WDFY2: variants seen among roughly 807,000 people sequenced by gnomAD.
WDFY2 encodes WD repeat and FYVE domain-containing protein 2.
Under a neutral mutation model 56.4 loss-of-function variants are expected in WDFY2, and 36 were observed. The observed-to-expected ratio is 0.64, with a 90% CI of 0.49 to 0.84. WDFY2 has a LOEUF of 0.84. WDFY2 is among the 40% of genes least tolerant of loss of function. The pLI, the probability that WDFY2 is intolerant of heterozygous loss-of-function variation, is 0.00. For missense variants in WDFY2, 444 were observed against 512.2 expected, an observed-to-expected ratio of 0.87 and a Z score of 1.29; for synonymous variants, 176 against 183.7, an observed-to-expected ratio of 0.96 and a Z score of 0.34.
chr13:51,719,107 G>T, intron 4 of WDFY2, 91 bp from the exon 5 acceptor site: 1 of 1,553,152 alleles, frequency 6.4e-7, no homozygotes, highest in Non-Finnish European at 8.8e-7. Flanking sequence ...TTCTGGGGTG[G>T]GGAGAAGAGA....
At position 51,755,468 on chromosome 13, in the gene WDFY2, T is replaced by G. The variant is rs1231025111; in HGVS notation, c.933+9T>G. ...AAATTGGTCTAAGACAGGTGAGTGA[T>G]ATGGATGCTTCATCAAAATGTAATT... On this transcript the variant is annotated intron_variant, in intron 9 of 11. Transcript: ENST00000298125. 4 of 1,609,924 alleles carry G rather than the reference T, an allele frequency of 2.5e-6. No individual in the cohort carries two copies. The highest frequency in any genetic ancestry group is 3.4e-6 in the Non-Finnish European group (4 of 1,176,230).
intron 3 of WDFY2, among the ~76,000 whole-genome samples, chr13:51,700,900 G>A (rs1219940257): frequency 6.6e-6 from 1 of 152,172 alleles, no homozygotes; most frequent in Non-Finnish European, 1.5e-5. Context: ...CCAGGAGGCG[G>A]AGGTTGCGGT....
At chr13:51,611,683 C>A (rs1954506247) in intron 1 of WDFY2, among the ~76,000 whole-genome samples, 1 of 152,150 alleles carries the variant, frequency 6.6e-6, no homozygotes, top group African/African-American at 2.4e-5. Flanking sequence ...ATCCTGATGA[C>A]TCCAAGTCTG....
At chr13:51,660,736 T>C in intron 2 of WDFY2, 73 bp downstream of exon 2, 1 of 1,340,644 alleles carries the variant, frequency 7.5e-7, no homozygotes, top group Non-Finnish European at 1.1e-6. Flanking sequence ...ATTTTCTTCT[T>C]AAGTAGAGAA....
intron 6 of WDFY2, among the ~76,000 whole-genome samples, chr13:51,734,407 A>G (rs559080464): frequency 1.3e-5 from 2 of 152,346 alleles, no homozygotes; most frequent in South Asian, 2.1e-4. Context: ...GTTGAGAAAA[A>G]TCTAAAAATA....
intron 2 of WDFY2, among the ~76,000 whole-genome samples, chr13:51,665,094 G>A (rs1955676918): frequency 6.6e-6 from 1 of 152,086 alleles, no homozygotes; most frequent in Non-Finnish European, 1.5e-5. Flanking sequence ...ATGGGGACAT[G>A]GTCACAAAGT....
chr13:51,623,136 G>A lies in WDFY2; in HGVS notation c.138-37460G>A, dbSNP rs377394309. 6.5e-4 allele frequency among the ~76,000 whole-genome samples: 99 copies of A among 152,140 alleles called. 2 individuals are homozygous for A. In the South Asian group the frequency reaches 0.02, roughly 30 times the overall value. On this transcript the variant is annotated intron_variant, in intron 1 of 11. Coordinates refer to ENST00000298125, the MANE Select transcript of WDFY2 (RefSeq NM_052950.4). The stretch of plus-strand genomic sequence containing the variant: ...GCCTCCCAAAGTGCTGGGATTACAG[G>A]CAAGAGCCACCGTGCATGGCCTTAA...
chr13:51,711,023 A>G (rs1408973271), intron 4 of WDFY2, among the ~76,000 whole-genome samples: 2 of 152,202 alleles, frequency 1.3e-5, no homozygotes, highest in African/African-American at 2.4e-5. Context: ...GCATCACGCT[A>G]CCTGACTTCA....
intron 3 of WDFY2, among the ~76,000 whole-genome samples, chr13:51,698,177 T>G (rs565456028): frequency 1.3e-5 from 2 of 152,220 alleles, no homozygotes; most frequent in Non-Finnish European, 2.9e-5. Flanking sequence ...CGTGCTTTGC[T>G]ATCTTTAAAC....
intron 1 of WDFY2, among the ~76,000 whole-genome samples, chr13:51,650,562 G>T (rs1442371318): frequency 6.6e-6 from 1 of 151,780 alleles, no homozygotes; most frequent in Non-Finnish European, 1.5e-5. Context: ...GTCATAAATA[G>T]CTCTTATTAT....
At chr13:51,758,150 TCAC>T (rs1448921589) in intron 10 of WDFY2, 39 bp from the exon 11 acceptor site, 1 of 1,485,862 alleles carries the variant, frequency 6.7e-7, no homozygotes, top group East Asian at 2.3e-5. Context: ...CATTCATATG[TCAC>T]CACCTTTTCC....
At chr13:51,720,008 C>T (rs1339249286) in intron 5 of WDFY2, among the ~76,000 whole-genome samples, 2 of 152,156 alleles carry the variant, frequency 1.3e-5, no homozygotes, top group Non-Finnish European at 2.9e-5. Flanking sequence ...ACAGTATTGA[C>T]TAGTGTGTAG....
intron 1 of WDFY2, among the ~76,000 whole-genome samples, chr13:51,655,358 G>A (rs569340382): frequency 2.6e-5 from 4 of 151,950 alleles, no homozygotes; most frequent in Admixed American, 1.3e-4. Context: ...TTAGATTAAG[G>A]AAATTTTCTT....
chr13:51,707,939 C>CTTTTTTTTTTTTTTTTTTTTTTT (rs56054205), intron 4 of WDFY2, among the ~76,000 whole-genome samples: 2 of 57,570 alleles, frequency 3.5e-5, no homozygotes, highest in Admixed American at 3.2e-4. Flanking sequence ...CCTAAAACAA[C>CTTTTTTTTTTTTTTTTTTTTTTT]TTTTTTTTTT....
At chr13:51,631,501 G>C (rs1954952307) in intron 1 of WDFY2, among the ~76,000 whole-genome samples, 1 of 151,838 alleles carries the variant, frequency 6.6e-6, no homozygotes, top group Admixed American at 6.6e-5. Context: ...GAACTTACTT[G>C]TTTATCATTA....
At chr13:51,708,476 C>A (rs1022025262) in intron 4 of WDFY2, among the ~76,000 whole-genome samples, 1 of 151,630 alleles carries the variant, frequency 6.6e-6, no homozygotes, top group Admixed American at 6.6e-5. Context: ...AAGACCCTGT[C>A]TCTAAATAAT....
At chr13:51,602,080 A>G (rs941947025) in intron 1 of WDFY2, among the ~76,000 whole-genome samples, 2 of 152,228 alleles carry the variant, frequency 1.3e-5, no homozygotes, top group Non-Finnish European at 2.9e-5. Flanking sequence ...TATTGTTGGA[A>G]CAGGGTCTTT....
chr13:51,758,819 G>A (rs1163765619), intron 11 of WDFY2, among the ~76,000 whole-genome samples: 3 of 152,188 alleles, frequency 2.0e-5, no homozygotes, highest in Non-Finnish European at 4.4e-5. Context: ...GGAGGTCACA[G>A]CAGGATGAGA....
chr13:51,695,894 C>T (rs1237057495), intron 3 of WDFY2, among the ~76,000 whole-genome samples: 1 of 152,238 alleles, frequency 6.6e-6, no homozygotes, highest in African/African-American at 2.4e-5. Flanking sequence ...GGGTGCCCCT[C>T]CCCCAGCCTT....
Sources: allele counts gnomAD v4.1 joint callset (sites outside exome capture counted in the v4.1 genomes callset), GRCh38; gene constraint gnomAD v4.1.1; transcripts MANE v1.5; gene names NCBI Gene and HGNC (gene_info 2026-07-23, HGNC 2026-07-21).